DHRSX: variants seen among roughly 807,000 people sequenced by gnomAD.
DHRSX encodes dehydrogenase/reductase X-linked.
DHRSX carries 31 observed loss-of-function variants against 34.0 expected under a neutral mutation model. The observed-to-expected ratio is 0.91, with a 90% confidence interval of 0.69 to 1.23. The LOEUF is 1.23. Among genes scored for constraint, DHRSX ranks in the 50% most tolerant of loss-of-function variants. The pLI is 0.00. For missense variants in DHRSX, 414 were observed against 428.1 expected (o/e 0.97, Z 0.29); for synonymous variants, 201 against 183.8 (o/e 1.09, Z -0.76).
intron 6 of DHRSX, among the ~76,000 whole-genome samples, chrX:2,227,488 CAG>C (rs1376070228): frequency 8.6e-6 from 1 of 116,402 alleles, no homozygotes; most frequent in Non-Finnish European, 1.7e-5. Flanking sequence ...GAGAACAAGA[CAG>C]AAAAGAGGGA....
At chrX:2,374,647 G>T (rs1289981888) in intron 3 of DHRSX, among the ~76,000 whole-genome samples, 1 of 137,682 alleles carries the variant, frequency 7.3e-6, no homozygotes, top group African/African-American at 2.5e-5. Context: ...GCTAAGGCAG[G>T]AGAATTGCTG....
chrX:2,489,319 C>T (rs777285541), intron 1 of DHRSX: 18 of 1,613,800 alleles, frequency 1.1e-5, no homozygotes, highest in Middle Eastern at 1.6e-4. Flanking sequence ...CGTTGAGAAA[C>T]ATGTCGATCT....
chrX:2,350,752 G>C (rs188641746), intron 3 of DHRSX, among the ~76,000 whole-genome samples: 2 of 152,208 alleles, frequency 1.3e-5, no homozygotes, highest in East Asian at 1.9e-4. Flanking sequence ...GTAAGCGTTT[G>C]ACCGTGATAA....
At chrX:2,357,740 TA>T (rs2042874953) in intron 3 of DHRSX, among the ~76,000 whole-genome samples, 1 of 149,022 alleles carries the variant, frequency 6.7e-6, no homozygotes, top group Non-Finnish European at 1.5e-5. Flanking sequence ...CTTGTTTCTC[TA>T]AAACTGTGCC....
At position 2,310,772 on chromosome X, in the gene DHRSX, G is replaced by C. The variant is rs149234186; in HGVS notation, c.287-19169C>G. Among the ~76,000 whole-genome samples, 1,114 of 152,008 alleles carry C rather than the reference G, an allele frequency of 7.3e-3. 10 individuals carry two copies. Among genetic ancestry groups the C allele is most frequent in the African/African-American group, 0.025 (1,047 of 41,470 alleles). On this transcript the variant is annotated intron_variant, in intron 3 of 6. Transcript: ENST00000334651. ...AAAGAGACAGAGAGTGTGCCAGAGA[G>C]ACACAGAGAGACAGATACAGGCTCA...
chrX:2,345,836 C>T (rs2042701850), intron 3 of DHRSX, among the ~76,000 whole-genome samples: 1 of 152,094 alleles, frequency 6.6e-6, no homozygotes, highest in South Asian at 2.1e-4. Context: ...ATCATCAGCT[C>T]CTCCCTGGGT....
At chrX:2,256,352 G>A (rs1446626762) in intron 5 of DHRSX, among the ~76,000 whole-genome samples, 1 of 151,090 alleles carries the variant, frequency 6.6e-6, no homozygotes, top group Admixed American at 6.6e-5. Flanking sequence ...CTGGAGTGCA[G>A]TAGCATGATC....
rs902414116 is a variant in DHRSX, at chrX:2,467,892, CG to C, written c.109+32924del. 3.9e-3 allele frequency among the ~76,000 whole-genome samples: 575 copies of C among 148,498 alleles called. 8 individuals carry two copies. Among genetic ancestry groups the C allele is most frequent in the African/African-American group, 0.013 (538 of 40,288 alleles). On this transcript the variant is annotated intron_variant, in intron 1 of 6. Coordinates refer to ENST00000334651, the MANE Select transcript of DHRSX (RefSeq NM_145177.3). ...AGGAGAATCGCTTGAACCCAGGAGG[CG>C]GGGAGGTTGCAGGGAGCTGAGATCA...
chrX:2,439,768 T>C (rs970296854), intron 1 of DHRSX, among the ~76,000 whole-genome samples: 3 of 152,030 alleles, frequency 2.0e-5, no homozygotes, highest in African/African-American at 7.2e-5. Context: ...GGGTTCATGC[T>C]CCTATGAGAC....
At chrX:2,452,151 A>T (rs1264147460) in intron 1 of DHRSX, among the ~76,000 whole-genome samples, 2 of 152,100 alleles carry the variant, frequency 1.3e-5, no homozygotes, top group Non-Finnish European at 2.9e-5. Context: ...GTACACACTG[A>T]AGACATTCCC....
In DHRSX at chrX:2,302,012, G is replaced by A. The variant is rs180714199; in HGVS notation, c.287-10409C>T. 1.7e-3 allele frequency among the ~76,000 whole-genome samples: 259 copies of A among 152,226 alleles called. 12 individuals are homozygous for A. The South Asian group carries it at 0.051, about 30-fold the overall frequency. ...CCAGAACAGAGGTGGACATGGCTCC[G>A]ATATCACAAGAACTGGCGCTTCCTG... is the stretch of plus-strand genomic sequence containing the variant. On this transcript the variant is annotated intron_variant, in intron 3 of 6. Transcript: ENST00000334651.
intron 1 of DHRSX, among the ~76,000 whole-genome samples, chrX:2,479,483 C>T (rs1373595304): frequency 1.3e-5 from 2 of 149,646 alleles, no homozygotes; most frequent in East Asian, 2.0e-4. Context: ...CATGTGGCTA[C>T]GGGACCACCG....
intron 3 of DHRSX, among the ~76,000 whole-genome samples, chrX:2,356,925 AATAATT>A (rs1332739500): frequency 1.3e-5 from 2 of 152,160 alleles, no homozygotes; most frequent in East Asian, 3.9e-4. Flanking sequence ...GTAGGCTATT[AATAATT>A]AAGTTTTTGG....
chrX:2,496,481 G>A (rs1218472977), intron 1 of DHRSX, among the ~76,000 whole-genome samples: 9 of 152,270 alleles, frequency 5.9e-5, no homozygotes, highest in Admixed American at 2.6e-4. Flanking sequence ...TTATAGGCAT[G>A]AGCCACCGCA....
intron 3 of DHRSX, among the ~76,000 whole-genome samples, chrX:2,340,934 T>C (rs2042633138): frequency 1.3e-5 from 2 of 152,218 alleles, no homozygotes; most frequent in South Asian, 2.1e-4. Context: ...GCATTTGAGC[T>C]GAGCAACGAA....
intron 1 of DHRSX, among the ~76,000 whole-genome samples, chrX:2,429,044 A>C (rs1352058635): frequency 6.6e-6 from 1 of 152,128 alleles, no homozygotes; most frequent in African/African-American, 2.4e-5. Context: ...GAATCGATGA[A>C]AAGGTATGTT....
chrX:2,490,256 G>A (rs973984226), intron 1 of DHRSX: 6 of 1,613,802 alleles, frequency 3.7e-6, no homozygotes, highest in South Asian at 2.2e-5. Context: ...GGGGTCGGCC[G>A]TCTTCAGCAG....
chrX:2,243,321 C>T (rs968632873), intron 5 of DHRSX, 91 bp from the exon 6 acceptor site: 8 of 1,128,100 alleles, frequency 7.1e-6, no homozygotes, highest in Non-Finnish European at 9.1e-6. Flanking sequence ...CGGCCACGGC[C>T]ACGTCTATAC....
intron 3 of DHRSX, among the ~76,000 whole-genome samples, chrX:2,406,120 C>T (rs191913966): frequency 1.4e-3 from 220 of 152,024 alleles, no homozygotes; most frequent in African/African-American, 5.1e-3. Context: ...GGCGAAACCC[C>T]GTCTCTATTA....
Sources: allele counts gnomAD v4.1 joint callset (sites outside exome capture counted in the v4.1 genomes callset), GRCh38; gene constraint gnomAD v4.1.1; transcripts MANE v1.5; gene names NCBI Gene and HGNC (gene_info 2026-07-23, HGNC 2026-07-21).